Variants in GPC5 observed in about 807,000 individuals in gnomAD.
The protein encoded by GPC5 is glypican-5.
GPC5 carries 47 observed loss-of-function variants against 53.9 expected under a neutral mutation model. The observed-to-expected ratio is 0.87, with a 90% CI of 0.69 to 1.11. The LOEUF (loss-of-function observed/expected upper bound fraction) is 1.11, where lower values mean the gene tolerates loss of function less well. GPC5 is among the 50% of genes most tolerant of loss of function. The pLI is 0.00. For synonymous variants in GPC5, 286 were observed against 263.3 expected (o/e 1.09, Z -0.84); for missense variants, 748 against 713.1 (o/e 1.05, Z -0.56).
chr13:91,496,643 G>A (rs1884282514), intron 2 of GPC5, among the ~76,000 whole-genome samples: 2 of 152,124 alleles, frequency 1.3e-5, no homozygotes, highest in South Asian at 2.1e-4. Context: ...GGTAGTGGGG[G>A]TGTTGGGGCT....
intron 6 of GPC5, among the ~76,000 whole-genome samples, chr13:91,948,005 G>T (rs1221360763): frequency 2.0e-5 from 3 of 151,954 alleles, no homozygotes; most frequent in Non-Finnish European, 2.9e-5. Flanking sequence ...TCTTCTGTGT[G>T]CAGTGGTTAC....
Position 91,821,094 on chromosome 13 carries a change from G to A in GPC5, c.1280+64674G>A, listed in dbSNP as rs372338953. ...GATAACATTCTATTCATATTGTAAT[G>A]TTTCAACTTTTAAGCAATGAACATA... On this transcript the variant is annotated intron_variant, in intron 5 of 7. Transcript: ENST00000377067. Among the ~76,000 whole-genome samples, 7 of 152,144 alleles carry A rather than the reference G, an allele frequency of 4.6e-5. No individual in the cohort carries two copies. In the East Asian group the frequency reaches 9.6e-4, roughly 21 times the overall value.
intron 7 of GPC5, among the ~76,000 whole-genome samples, chr13:92,403,391 G>T (rs543363314): frequency 5.3e-5 from 8 of 152,298 alleles, no homozygotes; most frequent in Non-Finnish European, 1.2e-4. Flanking sequence ...GTTAGGAACT[G>T]GTCCACATCA....
At chr13:91,793,598 T>C (rs2038002714) in intron 5 of GPC5, among the ~76,000 whole-genome samples, 1 of 152,182 alleles carries the variant, frequency 6.6e-6, no homozygotes, top group Admixed American at 6.5e-5. Flanking sequence ...TGTTATCCCC[T>C]TGTATTAGTC....
intron 6 of GPC5, among the ~76,000 whole-genome samples, chr13:92,021,024 T>C (rs998881691): frequency 1.3e-5 from 2 of 152,168 alleles, no homozygotes; most frequent in Non-Finnish European, 2.9e-5. Flanking sequence ...GGGTCTAATT[T>C]CATTCTTTTG....
At chr13:92,351,459 A>T (rs968279384) in intron 7 of GPC5, among the ~76,000 whole-genome samples, 3 of 152,014 alleles carry the variant, frequency 2.0e-5, no homozygotes, top group African/African-American at 7.2e-5. Flanking sequence ...AAAGTTATGA[A>T]GTCCACAATG....
intron 5 of GPC5, among the ~76,000 whole-genome samples, chr13:91,806,193 G>A (rs187761143): frequency 2.4e-4 from 37 of 151,330 alleles, no homozygotes; most frequent in African/African-American, 9.0e-4. Flanking sequence ...CTGCCACCAT[G>A]CTCAGCTAAT....
intron 7 of GPC5, among the ~76,000 whole-genome samples, chr13:92,233,104 G>A (rs2042543288): frequency 6.6e-6 from 1 of 152,084 alleles, no homozygotes; most frequent in South Asian, 2.1e-4. Context: ...TTTACACTTG[G>A]TCATCAACTC....
At chr13:92,014,947 T>G (rs2040694162) in intron 6 of GPC5, among the ~76,000 whole-genome samples, 1 of 152,072 alleles carries the variant, frequency 6.6e-6, no homozygotes. Flanking sequence ...GTGGCTGATT[T>G]GAGTGATGAA....
At chr13:92,668,668 A>C (rs1173979870) in intron 7 of GPC5, among the ~76,000 whole-genome samples, 1 of 152,020 alleles carries the variant, frequency 6.6e-6, no homozygotes, top group Non-Finnish European at 1.5e-5. Flanking sequence ...TTTATTTGAC[A>C]TTAAGGGAAA....
intron 7 of GPC5, among the ~76,000 whole-genome samples, chr13:92,252,114 T>A (rs2042696528): frequency 6.6e-6 from 1 of 152,134 alleles, no homozygotes. Flanking sequence ...AACATTGAAT[T>A]GAGGTAGCAC....
intron 6 of GPC5, among the ~76,000 whole-genome samples, chr13:91,965,287 G>T (rs1301077818): frequency 1.3e-5 from 2 of 152,088 alleles, no homozygotes; most frequent in Non-Finnish European, 2.9e-5. Flanking sequence ...ATAATTGTTA[G>T]CTATTCCTTC....
Position 91,693,595 on chromosome 13 carries a change from C to T in GPC5, c.734C>T (p.Ser245Phe). 6.2e-7 allele frequency: 1 copy of T among 1,614,136 alleles called. No homozygotes were observed. The highest frequency in any genetic ancestry group is 8.5e-7 in the Non-Finnish European group (1 of 1,180,016). The change falls in exon 3 of 8, where the codon TCC becomes TTC. Residue 245 changes from serine (S) to phenylalanine (F), a missense_variant. Transcript: ENST00000377067. ...AACACCACAGACTATCTGCACTTCT[C>T]CAAAGAGTGCAGCAGAGCCCTCCTG... ...VINTTDYLHFSKECSRALLKM... is the reference protein window; with the variant it reads ...VINTTDYLHFFKECSRALLKM...
At chr13:92,758,579 T>C (rs1875012584) in intron 7 of GPC5, among the ~76,000 whole-genome samples, 1 of 152,154 alleles carries the variant, frequency 6.6e-6, no homozygotes, top group Admixed American at 6.6e-5. Flanking sequence ...TATCTGAACA[T>C]AGAGTGGCCA....
intron 7 of GPC5, among the ~76,000 whole-genome samples, chr13:92,425,496 C>A (rs1262933804): frequency 6.6e-6 from 1 of 151,994 alleles, no homozygotes. Flanking sequence ...ATTTTTATCA[C>A]CCCTTTAGAG....
At chr13:92,599,530 T>A (rs1883981418) in intron 7 of GPC5, among the ~76,000 whole-genome samples, 1 of 152,102 alleles carries the variant, frequency 6.6e-6, no homozygotes, top group African/African-American at 2.4e-5. Context: ...TCTGCAGAGA[T>A]CTGCAGTGTG....
intron 7 of GPC5, among the ~76,000 whole-genome samples, chr13:92,419,258 A>G (rs767905340): frequency 6.6e-6 from 1 of 152,214 alleles, no homozygotes; most frequent in Non-Finnish European, 1.5e-5. Context: ...AGACCGCAGC[A>G]GCTACAGCCC....
intron 2 of GPC5, among the ~76,000 whole-genome samples, chr13:91,464,749 T>C (rs1342457843): frequency 2.6e-5 from 4 of 152,132 alleles, no homozygotes; most frequent in Non-Finnish European, 5.9e-5. Flanking sequence ...GGAACAGTTC[T>C]GTGTCTTGAT....
rs113129932 is a variant in GPC5 at position 92,718,895 on chromosome 13, C to CAAA, written c.1562-147372_1562-147370dup. ...AACAGAGTGAGACTCCGTCCCCCCA[C>CAAA]AAAAAAAAAAAAAAAAATTGTTAAA... On this transcript the variant is annotated intron_variant, in intron 7 of 7. Coordinates refer to ENST00000377067, the MANE Select transcript of GPC5 (RefSeq NM_004466.6). Among the ~76,000 whole-genome samples the CAAA allele has an allele frequency of 7.4e-4, 76 of 102,958 alleles. No homozygotes were observed. In the East Asian group the frequency reaches 9.6e-3, roughly 13 times the overall value. 67.5% of individuals were successfully genotyped at this position (102,958 alleles called of 152,430 possible).
Sources: allele counts gnomAD v4.1 joint callset (sites outside exome capture counted in the v4.1 genomes callset), GRCh38; gene constraint gnomAD v4.1.1; transcripts MANE v1.5; gene names NCBI Gene and HGNC (gene_info 2026-07-23, HGNC 2026-07-21).